AP5Z1: variants seen among roughly 807,000 people sequenced by gnomAD.
AP5Z1 encodes adaptor related protein complex 5 subunit zeta 1.
Under a neutral mutation model 83.0 loss-of-function variants are expected in AP5Z1, and 106 were observed. The observed-to-expected ratio is 1.28, with a 90% CI of 1.09 to 1.50. The LOEUF (loss-of-function observed/expected upper bound fraction) is 1.50, where lower values mean the gene tolerates loss of function less well. Ranked by LOEUF, AP5Z1 falls within the 40% of genes most tolerant of loss-of-function variation. AP5Z1 has a pLI of 0.00. For synonymous variants in AP5Z1, 751 were observed against 514.1 expected (o/e 1.46, Z -6.23); for missense variants, 1,565 against 1,094.2 (o/e 1.43, Z -6.07).
intron 14 of AP5Z1, 147 bp from the exon 15 acceptor site, chr7:4,790,312 G>T (rs777475571): frequency 6.5e-7 from 1 of 1,548,550 alleles, no homozygotes; most frequent in Non-Finnish European, 8.7e-7. Context: ...TTTCTCTGAG[G>T]CTGGCAGTCT....
At chr7:4,779,388 GATT>G (rs952155116) in intron 1 of AP5Z1, among the ~76,000 whole-genome samples, 153 of 144,680 alleles carry the variant, frequency 1.1e-3, no homozygotes, top group African/African-American at 3.0e-3. Context: ...CATATAACAT[GATT>G]ATTATATATC....
rs201687417 is a variant in AP5Z1 at position 4,788,256 on chromosome 7, A to C, written c.1557A>C (p.Gln519His). The C allele has an allele frequency of 5.0e-6, 8 of 1,589,088 alleles. No homozygotes were observed. In the South Asian group the frequency reaches 9.2e-5, roughly 18 times the overall value. Reference sequence around the variant, plus strand: ...ACCCGCAGTTCCAGGGTCTTTTCCAATACCTGCTGCGCCCCAAGGCCAGTG... The same window carrying C: ...ACCCGCAGTTCCAGGGTCTTTTCCACTACCTGCTGCGCCCCAAGGCCAGTG... ...FRDPQFQGLF[Q>H]YLLRPKASGA... Residue 519 changes from glutamine (Q) to histidine (H), a missense_variant, in exon 12 of 17, where the codon CAA becomes CAC. Coordinates refer to ENST00000649063, the MANE Select transcript of AP5Z1 (RefSeq NM_014855.3).
rs1250731621 is a variant in AP5Z1, at chr7:4,784,993, G to A, written c.876G>A (p.Arg292=). ...SAGRLLPPRE[R]LREVAFEYCQ... is the part of the protein sequence containing the mutation. ...GCCGCCTGCTGCCGCCCCGGGAGCG[G>A]CTTCGGGAGGTGGCCTTCGAGTACT... Residue 292 remains arginine, a synonymous_variant, in exon 7 of 17, where the codon CGG becomes CGA. Transcript: ENST00000649063. 1.2e-6 allele frequency: 2 copies of A among 1,611,774 alleles called. No individual in the cohort carries two copies. Among genetic ancestry groups the A allele is most frequent in the East Asian group, 2.2e-5 (1 of 44,862 alleles).
rs771896080 is a variant in AP5Z1, at chr7:4,784,325, G to A, written c.744G>A (p.Ala248=). The A allele has an allele frequency of 2.8e-5, 45 of 1,600,914 alleles. No individual in the cohort carries two copies. Among genetic ancestry groups the A allele is most frequent in the Middle Eastern group, 3.3e-4 (2 of 6,066 alleles). Residue 248 remains alanine (A), a synonymous_variant, in exon 6 of 17, where the codon GCG becomes GCA. Coordinates refer to ENST00000649063, the MANE Select transcript of AP5Z1 (RefSeq NM_014855.3). The part of the protein sequence containing the change: ...LNVQAFSMLR[A]WLLHSGPEGP... ...TGCAGGCCTTCTCTATGCTGCGGGC[G>A]TGGCTGCTGCACAGCGGCCCCGAGG...
chr7:4,775,915 A>T (rs973476796), intron 1 of AP5Z1, among the ~76,000 whole-genome samples, 159 bp downstream of exon 1: 1 of 152,064 alleles, frequency 6.6e-6, no homozygotes. Flanking sequence ...CACGGCGGCC[A>T]GGCTTGGGGT....
Position 4,775,645 on chromosome 7 carries a change from G to A in AP5Z1, c.-71G>A. The A allele has an allele frequency of 2.5e-6, 4 of 1,592,530 alleles. No individual in the cohort carries two copies. Among genetic ancestry groups the A allele is most frequent in the East Asian group, 2.3e-5 (1 of 44,430 alleles). On this transcript the variant is annotated 5_prime_UTR_variant, in exon 1 of 17. Coordinates refer to ENST00000649063, the MANE Select transcript of AP5Z1 (RefSeq NM_014855.3). ...CGTGACGCGGTCCCGGAAGTTGACC[G>A]GGGTGCGGAGCTCCTGGGCTGCAGC... is the stretch of plus-strand genomic sequence containing the variant.
rs774451137 is a variant in AP5Z1 at position 4,792,109 on chromosome 7, C to G, written c.*724C>G. 1.3e-5 allele frequency: 2 copies of G among 152,320 alleles called. No homozygotes were observed. The highest frequency in any genetic ancestry group is 1.3e-4 in the Admixed American group (2 of 15,286). The allele number at this position is 152,320 out of a possible 1,614,324, so 9.4% of individuals were successfully genotyped here. A position where few individuals can be genotyped will look rare whatever the true frequency, so the allele number is the denominator to read the frequency against. On this transcript the variant is annotated 3_prime_UTR_variant, in exon 17 of 17. Coordinates refer to ENST00000649063, the MANE Select transcript of AP5Z1 (RefSeq NM_014855.3). ...GGAGCCACCTGAGTGGAGCTCAGAA[C>G]ACTGGATTCGCGCGAAGGGGAGGTG...
At chr7:4,776,329 AACT>A (rs924754763) in intron 1 of AP5Z1, among the ~76,000 whole-genome samples, 11 of 151,910 alleles carry the variant, frequency 7.2e-5, no homozygotes, top group African/African-American at 2.7e-4. Context: ...CTTCCTCACC[AACT>A]AACCAGTCAT....
intron 16 of AP5Z1, 62 bp from the exon 17 acceptor site, chr7:4,791,053 A>C (rs1186147514): frequency 6.7e-7 from 1 of 1,500,692 alleles, no homozygotes; most frequent in African/African-American, 1.4e-5. Flanking sequence ...TGGCCCCTCC[A>C]CACAGACCCC....
intron 13 of AP5Z1, among the ~76,000 whole-genome samples, chr7:4,789,506 G>C (rs909246096): frequency 1.3e-5 from 2 of 152,252 alleles, no homozygotes; most frequent in African/African-American, 4.8e-5. Context: ...CTGGGAGGTG[G>C]GGAGGCCGGC....
chr7:4,783,261 G>T (rs561451532), intron 3 of AP5Z1, 55 bp from the exon 4 acceptor site: 9 of 1,508,518 alleles, frequency 6.0e-6, no homozygotes, highest in Non-Finnish European at 4.5e-6. Flanking sequence ...CGAAATGGGG[G>T]AGCTGGTCTC....
At position 4,790,561 on chromosome 7, in the gene AP5Z1, C is replaced by T. The variant is rs764102238; in HGVS notation, c.1908C>T (p.Leu636=). The stretch of plus-strand genomic sequence containing the variant: ...AGTTCCTGGGCAGCGTGAATGGTCT[C>T]TGCAGCAGGGCGAGCCTCGTCACCA... ...LLEFLGSVNG[L]CSRASLVTSV... The change falls in exon 15 of 17, where the codon CTC becomes CTT. Residue 636 remains leucine, a synonymous_variant. Transcript: ENST00000649063. 12 of 1,613,092 alleles carry T rather than the reference C, an allele frequency of 7.4e-6. No individual in the cohort carries two copies. The highest frequency in any genetic ancestry group is 1.6e-4 in the Middle Eastern group (1 of 6,062).
intron 6 of AP5Z1, 106 bp from the exon 7 acceptor site, chr7:4,784,802 A>G (rs1781487578): frequency 1.4e-6 from 2 of 1,415,000 alleles, no homozygotes; most frequent in Admixed American, 5.3e-5. Context: ...GCCTCCCGGG[A>G]GGGGCTGCGG....
At chr7:4,790,982 G>C in intron 16 of AP5Z1, 95 bp downstream of exon 16, 1 of 1,476,862 alleles carries the variant, frequency 6.8e-7, no homozygotes, top group Non-Finnish European at 9.0e-7. Flanking sequence ...AATGGTCGCA[G>C]CAGCGCAGGT....
At position 4,794,123 on chromosome 7, in the gene AP5Z1, T is replaced by A. The variant is rs1056062061; in HGVS notation, c.*2738T>A. 1 of 152,306 alleles carries A rather than the reference T, an allele frequency of 6.6e-6. No individual in the cohort carries two copies. The highest frequency in any genetic ancestry group is 1.9e-4 in the East Asian group (1 of 5,190). 9.4% of individuals were successfully genotyped at this position (152,306 alleles called of 1,614,324 possible). A position where few individuals can be genotyped will look rare whatever the true frequency, so the allele number is the denominator to read the frequency against. On this transcript the variant is annotated 3_prime_UTR_variant, in exon 17 of 17. Coordinates refer to ENST00000649063, the MANE Select transcript of AP5Z1 (RefSeq NM_014855.3). ...GACACTCTGTATCTAGCTACTCTGG[T>A]GGGGACTTGGAAAACCTTTTTGTCA...
chr7:4,785,693 A>G lies in AP5Z1; in HGVS notation c.1132+9A>G, dbSNP rs763573906. The G allele has an allele frequency of 2.0e-6, 3 of 1,508,806 alleles. No individual in the cohort carries two copies. The highest frequency in any genetic ancestry group is 1.4e-5 in the African/African-American group (1 of 72,272). The allele number at this position is 1,508,806 out of a possible 1,614,324, so 93.5% of individuals were successfully genotyped here. A position where few individuals can be genotyped will look rare whatever the true frequency, so the allele number is the denominator to read the frequency against. ...CTTCTTCCTGAGCCACGGTGAGCCCAGGGTGGGGTGGCGCTGACTCGGGGC... is the reference window on the plus strand; with the variant it reads ...CTTCTTCCTGAGCCACGGTGAGCCCGGGGTGGGGTGGCGCTGACTCGGGGC... On this transcript the variant is annotated intron_variant, in intron 9 of 16. Transcript: ENST00000649063.
Position 4,791,287 on chromosome 7 carries a change from A to G in AP5Z1, c.2326A>G (p.Ser776Gly). The change falls in exon 17 of 17, where the codon AGC becomes GGC. Residue 776 changes from serine (S) to glycine (G), a missense_variant. Transcript: ENST00000649063. Reference protein sequence around the residue: ...FVLTPSTEVCSPRYHRDANTA... With the variant: ...FVLTPSTEVCGPRYHRDANTA... ...GCTCACACCCAGCACGGAGGTGTGCAGCCCCCGCTATCACCGCGATGCCAA... is the reference window on the plus strand; with the variant it reads ...GCTCACACCCAGCACGGAGGTGTGCGGCCCCCGCTATCACCGCGATGCCAA... 1 of 1,612,560 alleles carries G rather than the reference A, an allele frequency of 6.2e-7. No homozygotes were observed. The highest frequency in any genetic ancestry group is 8.5e-7 in the Non-Finnish European group (1 of 1,179,832).
Position 4,784,974 on chromosome 7 carries a change from T to C in AP5Z1, c.857T>C (p.Leu286Pro), listed in dbSNP as rs1411869953. The C allele has an allele frequency of 1.2e-6, 2 of 1,612,206 alleles. No individual in the cohort carries two copies. Among genetic ancestry groups the C allele is most frequent in the Non-Finnish European group, 1.7e-6 (2 of 1,179,486 alleles). Residue 286 changes from leucine (L) to proline (P), a missense_variant, in exon 7 of 17, where the codon CTG becomes CCG. Transcript: ENST00000649063. ...VISATSSAGR[L>P]LPPRERLREV... Reference sequence around the variant, plus strand: ...TCCGCCACCTCCTCTGCCGGCCGCCTGCTGCCGCCCCGGGAGCGGCTTCGG... The same window carrying C: ...TCCGCCACCTCCTCTGCCGGCCGCCCGCTGCCGCCCCGGGAGCGGCTTCGG...
In AP5Z1 at chr7:4,788,488, C is replaced by T. The variant is rs1042935830; in HGVS notation, c.1595+194C>T. ...GTCTGCCGGGGGCGGGGCCTGGTCTCAGCTCTCTCTGCTGCCCACATCAAC... is the reference window on the plus strand; with the variant it reads ...GTCTGCCGGGGGCGGGGCCTGGTCTTAGCTCTCTCTGCTGCCCACATCAAC... On this transcript the variant is annotated intron_variant, in intron 12 of 16. Coordinates refer to ENST00000649063, the MANE Select transcript of AP5Z1 (RefSeq NM_014855.3). 7.2e-6 allele frequency: 5 copies of T among 691,108 alleles called. No homozygotes were observed. The East Asian group carries it at 1.5e-4, about 20-fold the overall frequency. The allele number at this position is 691,108 out of a possible 1,614,324, so 42.8% of individuals were successfully genotyped here. A position where few individuals can be genotyped will look rare whatever the true frequency, so the allele number is the denominator to read the frequency against.
Sources: allele counts gnomAD v4.1 joint callset (sites outside exome capture counted in the v4.1 genomes callset), GRCh38; gene constraint gnomAD v4.1.1; transcripts MANE v1.5; gene names NCBI Gene and HGNC (gene_info 2026-07-23, HGNC 2026-07-21).